The following NMNAT2 variants were observed in gnomAD, a reference collection of about 807,000 sequenced individuals.
NMNAT2 encodes nicotinamide/nicotinic acid mononucleotide adenylyltransferase 2.
A neutral mutation model predicts 41.6 loss-of-function variants in NMNAT2; 11 were observed. That is an observed-to-expected ratio of 0.26 (90% CI 0.17 to 0.44). The LOEUF (loss-of-function observed/expected upper bound fraction) is 0.44, where lower values mean the gene tolerates loss of function less well. Among genes scored for constraint, NMNAT2 ranks in the 20% least tolerant of loss-of-function variants. NMNAT2 has a pLI of 1.00. For missense variants in NMNAT2, 288 were observed against 407.7 expected (o/e 0.71, Z 2.53); for synonymous variants, 148 against 151.2 (o/e 0.98, Z 0.16).
intron 1 of NMNAT2, among the ~76,000 whole-genome samples, chr1:183,397,189 T>C: frequency 6.6e-6 from 1 of 152,156 alleles, no homozygotes; most frequent in East Asian, 1.9e-4. Context: ...AACCCGTCCT[T>C]GAATTCCTTC....
chr1:183,311,526 G>C (rs1313555486), intron 1 of NMNAT2, among the ~76,000 whole-genome samples: 1 of 152,100 alleles, frequency 6.6e-6, no homozygotes, highest in Non-Finnish European at 1.5e-5. Flanking sequence ...GATGGACAAA[G>C]AGGCCTGTCC....
At chr1:183,331,302 G>C (rs1356869764) in intron 1 of NMNAT2, among the ~76,000 whole-genome samples, 1 of 152,224 alleles carries the variant, frequency 6.6e-6, no homozygotes, top group Non-Finnish European at 1.5e-5. Flanking sequence ...GGTTGCCAAA[G>C]CCTGTTTTTC....
intron 1 of NMNAT2, among the ~76,000 whole-genome samples, chr1:183,402,490 T>A (rs1460344783): frequency 1.3e-5 from 2 of 152,218 alleles, no homozygotes; most frequent in African/African-American, 4.8e-5. Context: ...CACTTCAGAA[T>A]ACTGACTTCC....
chr1:183,259,975 G>A (rs922126784), intron 10 of NMNAT2, among the ~76,000 whole-genome samples: 5 of 152,102 alleles, frequency 3.3e-5, no homozygotes, highest in South Asian at 2.1e-4. Flanking sequence ...TCTATATTCC[G>A]TGTATTTCAC....
chr1:183,389,807 AGAAAGAAAGAAAGAAAGAAAG>A (rs1648400597), intron 1 of NMNAT2, among the ~76,000 whole-genome samples: 1 of 76,630 alleles, frequency 1.3e-5, no homozygotes, highest in Admixed American at 1.4e-4. Flanking sequence ...AAAGAAAGAA[AGAAAGAAAGAAAGAAAGAAAG>A]AAAGAAAGAA....
chr1:183,303,160 T>A (rs6687056), intron 1 of NMNAT2, among the ~76,000 whole-genome samples: 2 of 151,962 alleles, frequency 1.3e-5, no homozygotes, highest in Admixed American at 1.3e-4. Flanking sequence ...AGCAATGATA[T>A]CATTTTCATC....
At chr1:183,303,538 A>C (rs1253905666) in intron 1 of NMNAT2, among the ~76,000 whole-genome samples, 2 of 152,158 alleles carry the variant, frequency 1.3e-5, no homozygotes, top group Non-Finnish European at 2.9e-5. Flanking sequence ...TTGAACACAG[A>C]ATTTTTGACT....
intron 1 of NMNAT2, among the ~76,000 whole-genome samples, chr1:183,362,593 T>C (rs1325727637): frequency 6.6e-6 from 1 of 152,264 alleles, no homozygotes; most frequent in Non-Finnish European, 1.5e-5. Flanking sequence ...TGTTGTAGTA[T>C]GTATCAACAC....
At chr1:183,414,140 G>C (rs540744745) in intron 1 of NMNAT2, among the ~76,000 whole-genome samples, 1 of 152,204 alleles carries the variant, frequency 6.6e-6, no homozygotes, top group Non-Finnish European at 1.5e-5. Context: ...GCAGTGAAAA[G>C]ATAATAGTTT....
chr1:183,261,023 A>G lies in NMNAT2; in HGVS notation c.800T>C (p.Val267Ala). 1 of 1,613,984 alleles carries G rather than the reference A, an allele frequency of 6.2e-7. No homozygotes were observed. The highest frequency in any genetic ancestry group is 1.7e-5 in the Admixed American group (1 of 60,018). The part of the protein sequence containing the change: ...VKDDINHPMS[V>A]VSSTKSRLAL... Reference sequence around the variant, plus strand: ...ATACCTGCTCTTGGTTGAGCTGACAACAGACATGGGATGGTTGATGTCATC... The same window carrying G: ...ATACCTGCTCTTGGTTGAGCTGACAGCAGACATGGGATGGTTGATGTCATC... Residue 267 changes from valine to alanine, a missense_variant, in exon 10 of 11, where the codon GTT (valine) becomes GCT (alanine). Around this residue, in one of 3 missense-constraint regions of NMNAT2, gnomAD observed 181 missense variants for 213.7 expected, o/e 0.85. Coordinates refer to ENST00000287713, the MANE Select transcript of NMNAT2 (RefSeq NM_015039.4).
chr1:183,331,362 C>T (rs867005765), intron 1 of NMNAT2, among the ~76,000 whole-genome samples: 47 of 152,106 alleles, frequency 3.1e-4, no homozygotes, highest in African/African-American at 1.0e-3. Flanking sequence ...GGAGGCGAGG[C>T]GAGGCGTGAA....
At chr1:183,403,451 C>A (rs12405621) in intron 1 of NMNAT2, among the ~76,000 whole-genome samples, 36,298 of 141,458 alleles carry the variant, frequency 0.26, 4,590 homozygotes, top group African/African-American at 0.33. Context: ...CCCCCCCCCC[C>A]AAAAAAAATG....
At chr1:183,413,535 T>C (rs1032130736) in intron 1 of NMNAT2, among the ~76,000 whole-genome samples, 4 of 152,148 alleles carry the variant, frequency 2.6e-5, no homozygotes, top group African/African-American at 9.7e-5. Flanking sequence ...CCATTTGAGT[T>C]ATCAGTATTG....
intron 8 of NMNAT2, among the ~76,000 whole-genome samples, chr1:183,267,850 C>T (rs1028218523): frequency 4.6e-5 from 7 of 152,012 alleles, no homozygotes; most frequent in East Asian, 3.9e-4. Context: ...AAATCTCATT[C>T]GTGATGGTGG....
intron 1 of NMNAT2, among the ~76,000 whole-genome samples, chr1:183,322,055 G>T (rs571075924): frequency 5.3e-5 from 8 of 152,066 alleles, no homozygotes; most frequent in Non-Finnish European, 7.4e-5. Context: ...GAACACCTGG[G>T]CTCAAGTGAT....
At chr1:183,334,370 T>C (rs916304773) in intron 1 of NMNAT2, among the ~76,000 whole-genome samples, 6 of 151,750 alleles carry the variant, frequency 4.0e-5, no homozygotes, top group Admixed American at 1.3e-4. Flanking sequence ...CCCGGCCCTG[T>C]TGAATTTCAA....
intron 2 of NMNAT2, among the ~76,000 whole-genome samples, 156 bp downstream of exon 2, chr1:183,293,549 G>T (rs765465927): frequency 1.1e-4 from 16 of 152,360 alleles, no homozygotes; most frequent in Middle Eastern, 6.8e-3. Flanking sequence ...CTGTGGTCCT[G>T]AGATGGGAAG....
intron 1 of NMNAT2, among the ~76,000 whole-genome samples, chr1:183,309,584 T>G (rs1221393962): frequency 6.6e-6 from 1 of 152,264 alleles, no homozygotes; most frequent in African/African-American, 2.4e-5. Context: ...ATACTAGAAT[T>G]GAATTTTGTT....
At chr1:183,319,539 C>T (rs770358212) in intron 1 of NMNAT2, among the ~76,000 whole-genome samples, 3 of 152,234 alleles carry the variant, frequency 2.0e-5, no homozygotes, top group Admixed American at 6.5e-5. Context: ...TTCTCAGCAG[C>T]GCCTCTGGCC....
Sources: gnomAD v4.1 joint callset for allele counts (sites outside exome capture counted in the v4.1 genomes callset) on GRCh38, gnomAD v4.1.1 for gene constraint, gnomAD v4.1.1 regional missense constraint, MANE v1.5 for transcripts, NCBI Gene and HGNC (gene_info 2026-07-23, HGNC 2026-07-21) for gene names.